The following CA9 variants were observed in gnomAD, a reference collection of about 807,000 sequenced individuals.
CA9 encodes CA-IX.
In CA9, 43 loss-of-function variants were observed where a neutral mutation model predicts 51.8. That is an observed-to-expected ratio of 0.83 (90% confidence interval 0.65 to 1.07). CA9 has a LOEUF of 1.07. CA9 is among the 50% of genes least tolerant of loss of function. CA9 has a pLI of 0.00. For missense variants in CA9, 574 were observed against 581.4 expected, an observed-to-expected ratio of 0.99 and a Z score of 0.13; for synonymous variants, 253 against 244.2, an observed-to-expected ratio of 1.04 and a Z score of -0.34.
chr9:35,677,967 T>C, intron 6 of CA9, 111 bp downstream of exon 6: 2 of 857,488 alleles, frequency 2.3e-6, no homozygotes, highest in Non-Finnish European at 4.0e-6. Flanking sequence ...CAGGAGGGAT[T>C]GAAGCATGAG....
Position 35,673,981 on chromosome 9 carries a change from C to T in CA9, c.22C>T (p.Pro8Ser). 6.2e-7 allele frequency: 1 copy of T among 1,607,426 alleles called. No homozygotes were observed. Among genetic ancestry groups the T allele is most frequent in the Non-Finnish European group, 8.5e-7 (1 of 1,176,322 alleles). ...CCGCATGGCTCCCCTGTGCCCCAGC[C>T]CCTGGCTCCCTCTGTTGATCCCGGC... Reference protein sequence around the residue: MAPLCPSPWLPLLIPAPA... With the variant: MAPLCPSSWLPLLIPAPA... The change falls in exon 1 of 11, where the codon CCC (proline) becomes TCC (serine). Residue 8 changes from proline (P) to serine (S), a missense_variant. Transcript: ENST00000378357.
In CA9 at chr9:35,681,138, A is replaced by T; in HGVS notation, c.*113A>T. On this transcript the variant is annotated 3_prime_UTR_variant, in exon 11 of 11. Transcript: ENST00000378357. ...CCTTTTAACTGCCAAGAAATTTTTT[A>T]AAATAAATATTTATAATAAAATATG... 3.2e-6 allele frequency: 2 copies of T among 615,830 alleles called. No homozygotes were observed. Among genetic ancestry groups the T allele is most frequent in the Non-Finnish European group, 5.2e-6 (2 of 383,356 alleles). 38.1% of individuals were successfully genotyped at this position (615,830 alleles called of 1,614,324 possible).
chr9:35,676,066 C>T lies in CA9; in HGVS notation c.607C>T (p.Gln203Ter). 2.5e-6 allele frequency: 4 copies of T among 1,613,196 alleles called. No individual in the cohort carries two copies. Among genetic ancestry groups the T allele is most frequent in the South Asian group, 1.1e-5 (1 of 91,008 alleles). The change falls in exon 4 of 11, where the codon CAA becomes TAA. Residue 203 changes from glutamine to a stop codon, truncating the protein, a stop_gained and splice_region_variant. Coordinates refer to ENST00000378357, the MANE Select transcript of CA9 (RefSeq NM_001216.3). LOFTEE classifies it high-confidence loss of function. ...LRLRNNGHSV[Q>*]LTLPPGLEMA... ...CTCACTTGCCTCTCCCTACGCAGTGCAACTGACCCTGCCTCCTGGGCTAGA... is the reference window on the plus strand; with the variant it reads ...CTCACTTGCCTCTCCCTACGCAGTGTAACTGACCCTGCCTCCTGGGCTAGA...
Position 35,675,826 on chromosome 9 carries a change from C to A in CA9, c.499C>A (p.Arg167Ser), listed in dbSNP as rs762307874. 3.7e-6 allele frequency: 6 copies of A among 1,603,884 alleles called. No individual in the cohort carries two copies. Among genetic ancestry groups the A allele is most frequent in the Non-Finnish European group, 5.1e-6 (6 of 1,179,404 alleles). The change falls in exon 3 of 11, where the codon CGC becomes AGC. Residue 167 changes from arginine (R) to serine (S), a missense_variant. Coordinates refer to ENST00000378357, the MANE Select transcript of CA9 (RefSeq NM_001216.3). ...AGRFQSPVDI[R>S]PQLAAFCPAL... is the part of the protein sequence containing the mutation. ...CCGCTTCCAGTCCCCGGTGGATATC[C>A]GCCCCCAGCTCGCCGCCTTCTGCCC... is the stretch of plus-strand genomic sequence containing the variant.
In CA9 at chr9:35,680,966, A is replaced by C; in HGVS notation, c.1321A>C (p.Arg441=). 6.2e-7 allele frequency: 1 copy of C among 1,614,086 alleles called. No individual in the cohort carries two copies. Among genetic ancestry groups the C allele is most frequent in the Middle Eastern group, 1.7e-4 (1 of 6,060 alleles). Reference sequence around the variant, plus strand: ...GCCTTTCCTGTTGTGTACACACAGAAGGGGAACCAAAGGGGGTGTGAGCTA... The same window carrying C: ...GCCTTTCCTGTTGTGTACACACAGACGGGGAACCAAAGGGGGTGTGAGCTA... ...FLVQMRRQHR[R]GTKGGVSYRP... is the part of the protein sequence containing the mutation. Residue 441 remains arginine (R), a splice_region_variant and synonymous_variant, in exon 11 of 11, where the codon AGG becomes CGG. Coordinates refer to ENST00000378357, the MANE Select transcript of CA9 (RefSeq NM_001216.3).
intron 2 of CA9, 41 bp downstream of exon 2, chr9:35,675,608 C>A (rs1247173375): frequency 6.2e-7 from 1 of 1,612,284 alleles, no homozygotes; most frequent in Admixed American, 1.7e-5. Flanking sequence ...TCTGGGAACC[C>A]AGCTCTGTGG....
chr9:35,678,695 C>CTTTTTTTTTTTTTT lies in CA9; in HGVS notation c.908-486_908-485insTTTTTTTTTTTTTT, dbSNP rs746454806. Among the ~76,000 whole-genome samples, 17 of 129,870 alleles carry CTTTTTTTTTTTTTT rather than the reference C, an allele frequency of 1.3e-4. 1 individual carries two copies. Among genetic ancestry groups the CTTTTTTTTTTTTTT allele is most frequent in the African/African-American group, 2.0e-4 (7 of 34,478 alleles). 85.2% of individuals were successfully genotyped at this position (129,870 alleles called of 152,430 possible). A position where few individuals can be genotyped will look rare whatever the true frequency, so the allele number is the denominator to read the frequency against. Reference sequence around the variant, plus strand: ...AGTTATTCAGATCATTTTTTCTTTTCTTTTCTTTTTTTTTTTTTTTACATC... The same window carrying CTTTTTTTTTTTTTT: ...AGTTATTCAGATCATTTTTTCTTTTCTTTTTTTTTTTTTTTTTTCTTTTTTTTTTTTTTTACATC... On this transcript the variant is annotated intron_variant, in intron 6 of 10. Transcript: ENST00000378357.
Position 35,680,835 on chromosome 9 carries a change from G to GTAT in CA9, c.1319+4_1319+6dup. ...TTGTGCAGATGAGAAGGCAGCACAG[G>GTAT]TATTACACTGACCCTTTCTTCAGGC... On this transcript the variant is annotated splice_donor_variant, in intron 10 of 10. Transcript: ENST00000378357. LOFTEE classifies it high-confidence loss of function. 2 of 1,614,058 alleles carry GTAT rather than the reference G, an allele frequency of 1.2e-6. No homozygotes were observed. Among genetic ancestry groups the GTAT allele is most frequent in the Non-Finnish European group, 1.7e-6 (2 of 1,179,894 alleles).
At chr9:35,680,230 T>G (rs1824511278) in intron 9 of CA9, 91 bp downstream of exon 9, 2 of 1,459,102 alleles carry the variant, frequency 1.4e-6, no homozygotes, top group Non-Finnish European at 1.9e-6. Flanking sequence ...CTGCTCCCTC[T>G]CCTTTTCTGC....
chr9:35,675,265 A>C, intron 1 of CA9: 1 of 525,602 alleles, frequency 1.9e-6, no homozygotes, highest in Non-Finnish European at 3.4e-6. Flanking sequence ...AAGTGCTGGG[A>C]TTATAGGCGT....
At chr9:35,674,500 C>A in intron 1 of CA9, 138 bp downstream of exon 1, 1 of 708,780 alleles carries the variant, frequency 1.4e-6, no homozygotes, top group Non-Finnish European at 2.3e-6. Flanking sequence ...GGTCCCATAC[C>A]AATATCCCCA....
At chr9:35,677,157 T>G (rs1824439128) in intron 5 of CA9, among the ~76,000 whole-genome samples, 1 of 152,168 alleles carries the variant, frequency 6.6e-6, no homozygotes, top group South Asian at 2.1e-4. Flanking sequence ...CCAGCCACAC[T>G]CACTGATTCT....
chr9:35,677,706 C>G, intron 5 of CA9, 84 bp from the exon 6 acceptor site: 1 of 1,048,100 alleles, frequency 9.5e-7, no homozygotes, highest in Non-Finnish European at 1.5e-6. Flanking sequence ...TGGGAGAGGT[C>G]TATGGGAACC....
At chr9:35,680,895 G>A (rs1824536619) in intron 10 of CA9, 61 bp downstream of exon 10, 2 of 1,610,610 alleles carry the variant, frequency 1.2e-6, no homozygotes, top group Non-Finnish European at 1.7e-6. Flanking sequence ...GTCACTTCAT[G>A]CAAAGCGCAT....
chr9:35,679,114 T>G, intron 6 of CA9, 71 bp from the exon 7 acceptor site: 7 of 1,545,726 alleles, frequency 4.5e-6, no homozygotes, highest in Non-Finnish European at 5.3e-6. Context: ...GAGGTGAAAC[T>G]GTATCCCTAT....
rs556696534 is a variant in CA9, at chr9:35,673,958, G to A, written c.-2G>A. The A allele has an allele frequency of 2.1e-5, 34 of 1,591,568 alleles. No individual in the cohort carries two copies. Among genetic ancestry groups the A allele is most frequent in the African/African-American group, 2.7e-5 (2 of 74,638 alleles). ...GTGCTGGGACACCCCACAGTCAGCC[G>A]CATGGCTCCCCTGTGCCCCAGCCCC... On this transcript the variant is annotated 5_prime_UTR_variant, in exon 1 of 11. Transcript: ENST00000378357.
chr9:35,677,705 T>A (rs2857801), intron 5 of CA9, 85 bp from the exon 6 acceptor site: 997,920 of 999,790 alleles, frequency 1, 498,049 homozygotes, highest in Middle Eastern at 1. Flanking sequence ...ATGGGAGAGG[T>A]CTATGGGAAC....
chr9:35,678,346 CAAA>C (rs11327436), intron 6 of CA9, among the ~76,000 whole-genome samples: 9 of 93,872 alleles, frequency 9.6e-5, no homozygotes, highest in African/African-American at 1.7e-4. Flanking sequence ...ACTCTTGTCT[CAAA>C]AAAAAAAAAA....
intron 6 of CA9, 146 bp downstream of exon 6, chr9:35,678,002 A>G (rs968891014): frequency 2.9e-6 from 2 of 697,798 alleles, no homozygotes; most frequent in Non-Finnish European, 5.0e-6. Flanking sequence ...GATAATAACC[A>G]TGAAGCTGAC....
Sources: allele counts gnomAD v4.1 joint callset (sites outside exome capture counted in the v4.1 genomes callset), GRCh38; gene constraint gnomAD v4.1.1; transcripts MANE v1.5; gene names NCBI Gene and HGNC (gene_info 2026-07-23, HGNC 2026-07-21).